TJP2: variants seen among roughly 807,000 people sequenced by gnomAD.
TJP2 encodes the protein tight junction protein 2, also known as Friedreich ataxia region gene X104 (tight junction protein ZO-2).
Under a neutral mutation model 133.1 loss-of-function variants are expected in TJP2, and 91 were observed. That is an observed-to-expected ratio of 0.68 (90% CI 0.58 to 0.81). TJP2 has a LOEUF of 0.81. Among genes scored for constraint, TJP2 ranks in the 40% least tolerant of loss-of-function variants. TJP2 has a pLI of 0.00. For missense variants in TJP2, 1,541 were observed against 1,565.6 expected, an observed-to-expected ratio of 0.98 and a Z score of 0.26; for synonymous variants, 592 against 583.4, an observed-to-expected ratio of 1.01 and a Z score of -0.21.
chr9:69,229,263 G>T lies in TJP2; in HGVS notation c.1520+13G>T. The T allele has an allele frequency of 6.2e-7, 1 of 1,611,264 alleles. No homozygotes were observed. Among genetic ancestry groups the T allele is most frequent in the South Asian group, 1.1e-5 (1 of 91,006 alleles). On this transcript the variant is annotated intron_variant, in intron 10 of 22. Transcript: ENST00000377245. ...AAGCAATATATGGGTATGTATTTCC[G>T]TCTCTCTTTGTTTTCCCTTCTTCCT...
At position 69,196,950 on chromosome 9, in the gene TJP2, C is replaced by CGT. The variant is rs1564425664; in HGVS notation, c.61-15598_61-15597insGT. On this transcript the variant is annotated intron_variant, in intron 1 of 22. Coordinates refer to ENST00000377245, the MANE Select transcript of TJP2 (RefSeq NM_004817.4). The stretch of plus-strand genomic sequence containing the variant: ...ATATGTGTGTGTGTGTGTGTGTACA[C>CGT]ACACACACACACACACACACACACA... 6.3e-5 allele frequency among the ~76,000 whole-genome samples: 8 copies of CGT among 126,264 alleles called. No individual in the cohort carries two copies. In the South Asian group the frequency reaches 7.3e-4, roughly 12 times the overall value. 82.8% of individuals were successfully genotyped at this position (126,264 alleles called of 152,430 possible). A position where few individuals can be genotyped will look rare whatever the true frequency, so the allele number is the denominator to read the frequency against.
intron 1 of TJP2, among the ~76,000 whole-genome samples, chr9:69,182,343 G>A (rs948445117): frequency 4.6e-5 from 7 of 152,150 alleles, no homozygotes; most frequent in African/African-American, 1.7e-4. Context: ...ACATTTGTGC[G>A]TTTCCTTCTG....
chr9:69,220,096 G>C (rs1828699045), intron 4 of TJP2, among the ~76,000 whole-genome samples: 1 of 152,172 alleles, frequency 6.6e-6, no homozygotes, highest in South Asian at 2.1e-4. Flanking sequence ...GTTGCAGTGA[G>C]CTGAGTACAG....
At chr9:69,188,528 T>C (rs1020468106) in intron 1 of TJP2, among the ~76,000 whole-genome samples, 4 of 152,156 alleles carry the variant, frequency 2.6e-5, no homozygotes, top group African/African-American at 9.7e-5. Context: ...CTGTGTTGAT[T>C]ATTAGGAGTT....
intron 1 of TJP2, among the ~76,000 whole-genome samples, chr9:69,202,851 T>C (rs748078001): frequency 2.0e-5 from 3 of 152,098 alleles, no homozygotes; most frequent in African/African-American, 4.8e-5. Flanking sequence ...ACCAGGGCAG[T>C]TCAAACCTTG....
chr9:69,239,866 T>C (rs571576171), intron 16 of TJP2, 71 bp from the exon 17 acceptor site: 6 of 1,244,388 alleles, frequency 4.8e-6, no homozygotes, highest in South Asian at 3.7e-5. Flanking sequence ...CCTTTACTTA[T>C]TAAAACAAAG....
rs1416642047 is a variant in TJP2 at position 69,127,538 on chromosome 9, A to G, written c.-131+5813A>G. 2.8e-5 allele frequency among the ~76,000 whole-genome samples: 2 copies of G among 72,510 alleles called. 1 individual carries two copies. The highest frequency in any genetic ancestry group is 6.2e-5 in the Non-Finnish European group (2 of 32,102). 47.6% of individuals were successfully genotyped at this position (72,510 alleles called of 152,430 possible). A position where few individuals can be genotyped will look rare whatever the true frequency, so the allele number is the denominator to read the frequency against. ...CACTGGGCTCTAGCCTGTGCGACAC[A>G]GTAAGATCTTGTCTCAAAAAAAAAA... On this transcript the variant is annotated intron_variant, in intron 1 of 5. Transcript: ENST00000423935.
In TJP2 at chr9:69,174,358, G is replaced by A. The variant is rs1824893656; in HGVS notation, c.-15G>A. 2 of 1,551,600 alleles carry A rather than the reference G, an allele frequency of 1.3e-6. No individual in the cohort carries two copies. The highest frequency in any genetic ancestry group is 1.4e-5 in the African/African-American group (1 of 73,234). On this transcript the variant is annotated 5_prime_UTR_variant, in exon 1 of 23. Coordinates refer to ENST00000377245, the MANE Select transcript of TJP2 (RefSeq NM_004817.4). Reference sequence around the variant, plus strand: ...GGGTCCGGAGCTGCGCGCCTACGCGGGACCTGTGTCCGAAATGCCGGTGCG... The same window carrying A: ...GGGTCCGGAGCTGCGCGCCTACGCGAGACCTGTGTCCGAAATGCCGGTGCG...
At position 69,139,131 on chromosome 9, in the gene TJP2, C is replaced by T. The variant is rs148514781; in HGVS notation, c.-130-12520C>T. Reference sequence around the variant, plus strand: ...GCTGGGGAGGCTGAGGTGGGAGAATCGCTTGAACCCTGGAGGCGGAGGTTG... The same window carrying T: ...GCTGGGGAGGCTGAGGTGGGAGAATTGCTTGAACCCTGGAGGCGGAGGTTG... On this transcript the variant is annotated intron_variant, in intron 1 of 5. Coordinates refer to the TJP2 transcript ENST00000423935. Among the ~76,000 whole-genome samples the T allele has an allele frequency of 3.8e-3, 562 of 146,522 alleles. 4 individuals are homozygous for T. Among genetic ancestry groups the T allele is most frequent in the African/African-American group, 0.014 (536 of 39,474 alleles).
Position 69,254,296 on chromosome 9 carries a change from G to A in TJP2, c.3495G>A (p.Glu1165=), listed in dbSNP as rs111595785. 5.0e-3 allele frequency: 8,148 copies of A among 1,614,244 alleles called. 46 individuals are homozygous for A. The highest frequency in any genetic ancestry group is 0.017 in the African/African-American group (1,293 of 75,050). ...GSYGSDAEEE[E]YRQQLSEHSK... ...ATGGCAGTGATGCCGAGGAGGAGGA[G>A]TACCGCCAGCAGCTGTCAGAACACT... Residue 1165 remains glutamate, a synonymous_variant, in exon 23 of 23, where the codon GAG becomes GAA. Coordinates refer to ENST00000377245, the MANE Select transcript of TJP2 (RefSeq NM_004817.4).
At chr9:69,169,316 C>A (rs529358917), upstream of TJP2, among the ~76,000 whole-genome samples, 1 of 149,666 alleles carries the variant, frequency 6.7e-6, no homozygotes, top group African/African-American at 2.5e-5. Context: ...ACAGTGTACA[C>A]GTTAACTAAA....
At chr9:69,198,929 G>T (rs1041042257) in intron 1 of TJP2, among the ~76,000 whole-genome samples, 1 of 152,208 alleles carries the variant, frequency 6.6e-6, no homozygotes, top group East Asian at 1.9e-4. Flanking sequence ...AAAGGACTTG[G>T]TTTATAATGT....
chr9:69,177,082 C>G (rs1045483193), intron 1 of TJP2, among the ~76,000 whole-genome samples: 4 of 152,170 alleles, frequency 2.6e-5, no homozygotes, highest in Non-Finnish European at 5.9e-5. Context: ...TAGAACGAAT[C>G]CCATTAAGCA....
At chr9:69,172,028 C>A (rs538508368), upstream of TJP2, among the ~76,000 whole-genome samples, 1 of 152,092 alleles carries the variant, frequency 6.6e-6, no homozygotes, top group Non-Finnish European at 1.5e-5. Flanking sequence ...ATTTCTTGAC[C>A]TCGCGATCTG....
intron 2 of TJP2, among the ~76,000 whole-genome samples, chr9:69,213,574 G>A (rs1025659571): frequency 2.6e-5 from 4 of 152,162 alleles, no homozygotes; most frequent in East Asian, 3.9e-4. Context: ...AGACATTCCC[G>A]AATTTAATGT....
At chr9:69,144,592 C>A (rs1823137468) in intron 1 of TJP2, among the ~76,000 whole-genome samples, 1 of 152,192 alleles carries the variant, frequency 6.6e-6, no homozygotes, top group Non-Finnish European at 1.5e-5. Flanking sequence ...TTAAATTTCA[C>A]AAAAGTCAAT....
At position 69,254,842 on chromosome 9, in the gene TJP2, A is replaced by G. The variant is rs1831588894; in HGVS notation, c.*468A>G. ...AACTCTTTTAAGTGCCTTGGATGAG[A>G]AGTGTCTTAAATTTTCTTCCTTTGA... On this transcript the variant is annotated 3_prime_UTR_variant, in exon 23 of 23. Transcript: ENST00000377245. 1 of 442,446 alleles carries G rather than the reference A, an allele frequency of 2.3e-6. No individual in the cohort carries two copies. Among genetic ancestry groups the G allele is most frequent in the African/African-American group, 2.0e-5 (1 of 50,268 alleles). 27.4% of individuals were successfully genotyped at this position (442,446 alleles called of 1,614,324 possible).
At position 69,127,494 on chromosome 9, in the gene TJP2, C is replaced by T. The variant is rs1346882926; in HGVS notation, c.-131+5769C>T. On this transcript the variant is annotated intron_variant, in intron 1 of 5. Coordinates refer to the TJP2 transcript ENST00000423935. ...ACTTGAGCCCAAGAGATCGGGGCTT[C>T]GCCAAGCTATGATCATGCCACTGGG... is the stretch of plus-strand genomic sequence containing the variant. 2.7e-5 allele frequency among the ~76,000 whole-genome samples: 2 copies of T among 74,896 alleles called. 1 individual carries two copies. Among genetic ancestry groups the T allele is most frequent in the African/African-American group, 8.2e-5 (2 of 24,442 alleles). The allele number at this position is 74,896 out of a possible 152,430, so 49.1% of individuals were successfully genotyped here.
intron 1 of TJP2, among the ~76,000 whole-genome samples, chr9:69,194,046 G>C (rs992143150): frequency 1.3e-5 from 2 of 152,082 alleles, no homozygotes; most frequent in African/African-American, 4.8e-5. Flanking sequence ...TAGATTAACG[G>C]TTTAAAATAA....
Sources: allele counts gnomAD v4.1 joint callset (sites outside exome capture counted in the v4.1 genomes callset), GRCh38; gene constraint gnomAD v4.1.1; transcripts MANE v1.5; gene names NCBI Gene and HGNC (gene_info 2026-07-23, HGNC 2026-07-21).